Variants in CTNNA2 observed in about 807,000 individuals in gnomAD.
CTNNA2 encodes the protein catenin alpha 2.
CTNNA2 carries 42 observed loss-of-function variants against 101.0 expected under a neutral mutation model. The ratio of observed to expected loss-of-function variants is 0.42; its 90% confidence interval spans 0.32 to 0.54. CTNNA2 has a LOEUF of 0.54. CTNNA2 is among the 20% of genes least tolerant of loss of function. The pLI is 0.14. For synonymous variants in CTNNA2, 450 were observed against 456.4 expected (o/e 0.99, Z 0.18); for missense variants, 871 against 1,223.1 (o/e 0.71, Z 4.29).
intron 4 of CTNNA2, among the ~76,000 whole-genome samples, chr2:79,459,568 GA>G (rs1163539849): frequency 2.0e-5 from 3 of 152,016 alleles, no homozygotes; most frequent in Non-Finnish European, 4.4e-5. Flanking sequence ...AACATTTTAG[GA>G]ATGAGACATC....
intron 4 of CTNNA2, among the ~76,000 whole-genome samples, chr2:79,444,475 G>T (rs1278026189): frequency 6.6e-6 from 1 of 152,054 alleles, no homozygotes; most frequent in African/African-American, 2.4e-5. Flanking sequence ...CACAAGAAGA[G>T]AAGTAACTAG....
At chr2:79,233,467 C>G (rs1415364013) in intron 2 of CTNNA2, among the ~76,000 whole-genome samples, 4 of 152,184 alleles carry the variant, frequency 2.6e-5, no homozygotes, top group African/African-American at 9.7e-5. Flanking sequence ...TGCTTTATGT[C>G]TGAGCATATG....
intron 18 of CTNNA2, among the ~76,000 whole-genome samples, chr2:80,642,435 T>C (rs1018462937): frequency 2.0e-5 from 3 of 152,194 alleles, no homozygotes; most frequent in African/African-American, 7.2e-5. Context: ...TTATGTCTAT[T>C]TGTGTTTCTA....
At chr2:79,210,488 G>T (rs778837633) in intron 2 of CTNNA2, among the ~76,000 whole-genome samples, 1 of 152,086 alleles carries the variant, frequency 6.6e-6, no homozygotes, top group Admixed American at 6.6e-5. Context: ...CACACAGTGT[G>T]TGTGAGAGAG....
intron 8 of CTNNA2, among the ~76,000 whole-genome samples, chr2:80,402,185 G>A (rs942909462): frequency 5.3e-5 from 8 of 152,182 alleles, no homozygotes; most frequent in African/African-American, 1.7e-4. Context: ...CAGTCAAATG[G>A]AAGAGATGCA....
intron 2 of CTNNA2, among the ~76,000 whole-genome samples, chr2:79,248,845 TA>T (rs1188706184): frequency 1.3e-5 from 2 of 152,228 alleles, no homozygotes; most frequent in Non-Finnish European, 2.9e-5. Flanking sequence ...ATGAGACACT[TA>T]ACCCCAGGCT....
intron 2 of CTNNA2, among the ~76,000 whole-genome samples, chr2:79,713,220 T>C (rs1181115515): frequency 6.6e-6 from 1 of 152,232 alleles, no homozygotes; most frequent in Non-Finnish European, 1.5e-5. Context: ...TCTTTAACAA[T>C]CTGAGATAGC....
At chr2:80,172,325 C>T (rs745551396) in intron 7 of CTNNA2, among the ~76,000 whole-genome samples, 2 of 152,174 alleles carry the variant, frequency 1.3e-5, no homozygotes, top group African/African-American at 4.8e-5. Context: ...ACCAGAAAAT[C>T]ATTTCATTGT....
chr2:80,004,074 C>T (rs1693156482), intron 7 of CTNNA2, among the ~76,000 whole-genome samples: 1 of 152,132 alleles, frequency 6.6e-6, no homozygotes, highest in African/African-American at 2.4e-5. Flanking sequence ...TTTACTAAAA[C>T]TGGTGAGAAA....
chr2:79,956,261 G>A lies in CTNNA2; in HGVS notation c.1056+46464G>A, dbSNP rs115799023. 2.7e-3 allele frequency among the ~76,000 whole-genome samples: 406 copies of A among 152,108 alleles called. 3 individuals are homozygous for A. The highest frequency in any genetic ancestry group is 9.1e-3 in the African/African-American group (378 of 41,496). Reference sequence around the variant, plus strand: ...TTAAAATTTTACTCTGCCCTAATCAGTCAATTTCTGCTTGTGTTTTATGAT... The same window carrying A: ...TTAAAATTTTACTCTGCCCTAATCAATCAATTTCTGCTTGTGTTTTATGAT... On this transcript the variant is annotated intron_variant, in intron 7 of 18. Coordinates refer to ENST00000402739, the MANE Select transcript of CTNNA2 (RefSeq NM_001282597.3).
intron 3 of CTNNA2, among the ~76,000 whole-genome samples, chr2:79,759,351 C>T (rs919346411): frequency 2.0e-5 from 3 of 151,952 alleles, no homozygotes; most frequent in Non-Finnish European, 4.4e-5. Flanking sequence ...CAAGATCGTG[C>T]CACTGCACTC....
At chr2:80,476,374 C>A (rs902350999) in intron 9 of CTNNA2, among the ~76,000 whole-genome samples, 1 of 152,120 alleles carries the variant, frequency 6.6e-6, no homozygotes, top group African/African-American at 2.4e-5. Flanking sequence ...TTTCAACTTA[C>A]TTCTCCAGGG....
At chr2:79,212,532 C>G (rs75146573) in intron 2 of CTNNA2, among the ~76,000 whole-genome samples, 4 of 152,230 alleles carry the variant, frequency 2.6e-5, no homozygotes, top group African/African-American at 9.6e-5. Context: ...TTCTACCTTT[C>G]CTGAAGACTG....
intron 18 of CTNNA2, among the ~76,000 whole-genome samples, chr2:80,634,739 TGAA>T (rs1672688936): frequency 1.3e-5 from 2 of 151,552 alleles, no homozygotes; most frequent in South Asian, 4.2e-4. Flanking sequence ...TGGATAAGAG[TGAA>T]GAAGATGAAA....
intron 7 of CTNNA2, among the ~76,000 whole-genome samples, chr2:80,233,862 A>G (rs894566801): frequency 1.3e-5 from 2 of 152,148 alleles, no homozygotes; most frequent in African/African-American, 4.8e-5. Context: ...TGTCAGAACA[A>G]GGAAAGATTT....
intron 6 of CTNNA2, among the ~76,000 whole-genome samples, chr2:79,900,427 A>C (rs1465265106): frequency 2.6e-5 from 4 of 152,318 alleles, no homozygotes; most frequent in Non-Finnish European, 5.9e-5. Context: ...AAAATGCTTT[A>C]ACAAATTTTG....
intron 7 of CTNNA2, among the ~76,000 whole-genome samples, chr2:80,331,434 G>A (rs572251443): frequency 3.7e-4 from 57 of 152,274 alleles, no homozygotes; most frequent in African/African-American, 1.3e-3. Context: ...GAGATAAGTC[G>A]ATTGGGAAAT....
intron 4 of CTNNA2, among the ~76,000 whole-genome samples, chr2:79,480,000 A>C (rs966602206): frequency 1.3e-5 from 2 of 152,128 alleles, no homozygotes; most frequent in African/African-American, 4.8e-5. Flanking sequence ...TTTTGGAGGC[A>C]GTACAAGAAG....
At chr2:79,397,462 A>G (rs1400916667) in intron 4 of CTNNA2, among the ~76,000 whole-genome samples, 2 of 151,700 alleles carry the variant, frequency 1.3e-5, no homozygotes, top group East Asian at 3.9e-4. Context: ...TATATCTTTC[A>G]CAAGAAAGAT....
Sources: allele counts gnomAD v4.1 joint callset (sites outside exome capture counted in the v4.1 genomes callset), GRCh38; gene constraint gnomAD v4.1.1; transcripts MANE v1.5; gene names NCBI Gene and HGNC (gene_info 2026-07-23, HGNC 2026-07-21).